Variants in PTPRA observed in about 807,000 individuals in gnomAD.
PTPRA encodes the protein receptor-type tyrosine-protein phosphatase alpha.
A neutral mutation model predicts 104.8 loss-of-function variants in PTPRA; 25 were observed. That is an observed-to-expected ratio of 0.24 (90% CI 0.17 to 0.33). The LOEUF is 0.33. Ranked by LOEUF, PTPRA falls within the 10% of genes least tolerant of loss-of-function variation. The pLI, the probability that PTPRA is intolerant of heterozygous loss-of-function variation, is 1.00. For missense variants in PTPRA, 765 were observed against 1,015.3 expected, an observed-to-expected ratio of 0.75 and a Z score of 3.35; for synonymous variants, 323 against 368.9, an observed-to-expected ratio of 0.88 and a Z score of 1.43.
At chr20:3,003,310 ATTGTTCCTCTACTGCTGAATACTACGG>A (rs1279534713) in intron 9 of PTPRA, among the ~76,000 whole-genome samples, 1 of 152,178 alleles carries the variant, frequency 6.6e-6, no homozygotes. Context: ...TAATGCATGA[ATTGTTCCTCTACTGCTGAATACTACGG>A]TTGTTCTCAG....
the PTPRA span, chr20:2,866,620 C>T: frequency 4.1e-5 from 66 of 1,606,392 alleles, 1 homozygote; most frequent in South Asian, 5.2e-4. Context: ...TCCCCTAGCA[C>T]CTGGGCTTGG....
chr20:2,953,341 G>GC (rs1368309095), intron 3 of PTPRA, among the ~76,000 whole-genome samples: 1 of 151,798 alleles, frequency 6.6e-6, no homozygotes, highest in Non-Finnish European at 1.5e-5. Flanking sequence ...TGCAACCTCT[G>GC]CCCCCCGGGT....
chr20:2,911,477 A>G (rs2059720323), intron 1 of PTPRA, among the ~76,000 whole-genome samples: 1 of 152,206 alleles, frequency 6.6e-6, no homozygotes, highest in African/African-American at 2.4e-5. Context: ...CTTCTCTGCT[A>G]GTCTATGTTG....
intron 2 of PTPRA, among the ~76,000 whole-genome samples, chr20:2,946,271 T>C (rs977296077): frequency 6.6e-6 from 1 of 152,096 alleles, no homozygotes; most frequent in Non-Finnish European, 1.5e-5. Flanking sequence ...ATTAATGAGC[T>C]TTCCCCCCAA....
rs1398439603 is a variant in PTPRA, at chr20:2,964,417, T to C, written c.73+67T>C. 3.1e-6 allele frequency: 4 copies of C among 1,288,260 alleles called. No homozygotes were observed. The African/African-American group carries it at 6.0e-5, about 19-fold the overall frequency. 79.8% of individuals were successfully genotyped at this position (1,288,260 alleles called of 1,614,324 possible). ...TTGCTTTCACATTTAATGAGCCACA[T>C]TTGAAAACCGAGATGGTATTTGAAG... On this transcript the variant is annotated intron_variant, in intron 4 of 23. Transcript: ENST00000399903.
chr20:2,957,952 T>A (rs2061598220), intron 3 of PTPRA, among the ~76,000 whole-genome samples: 1 of 152,084 alleles, frequency 6.6e-6, no homozygotes, highest in Admixed American at 6.6e-5. Context: ...TATTTGATTT[T>A]TTTTTTTTTT....
intron 1 of PTPRA, among the ~76,000 whole-genome samples, chr20:2,901,959 C>T (rs765685241): frequency 2.5e-3 from 382 of 151,876 alleles, no homozygotes; most frequent in Non-Finnish European, 4.1e-3. Context: ...AGTCTTAGCT[C>T]ACTGCAACCT....
At position 3,014,454 on chromosome 20, in the gene PTPRA, A is replaced by G. The variant is rs551159633; in HGVS notation, c.907-1395A>G. ...GGAATTCGAGAGCAGCGTGGCCAAC[A>G]TGGTGAAACCCCATCTCTAATTTTT... On this transcript the variant is annotated intron_variant, in intron 11 of 23. Coordinates refer to ENST00000399903, the MANE Select transcript of PTPRA (RefSeq NM_001385305.1). Among the ~76,000 whole-genome samples, 143 of 152,262 alleles carry G rather than the reference A, an allele frequency of 9.4e-4. 1 individual carries two copies. Among genetic ancestry groups the G allele is most frequent in the African/African-American group, 2.5e-3 (104 of 41,558 alleles).
chr20:2,896,405 AAC>A (rs1358749950), intron 1 of PTPRA, among the ~76,000 whole-genome samples: 6 of 152,062 alleles, frequency 3.9e-5, no homozygotes, highest in Non-Finnish European at 5.9e-5. Context: ...AACAAACGAA[AAC>A]ACACACACGC....
chr20:2,928,567 A>G (rs2147467796), intron 2 of PTPRA, among the ~76,000 whole-genome samples: 2 of 152,260 alleles, frequency 1.3e-5, no homozygotes, highest in Middle Eastern at 6.8e-3. Flanking sequence ...CATATAGGAA[A>G]TTAATTTTTC....
chr20:2,945,582 GGTGT>G lies in PTPRA; in HGVS notation c.-49-2373_-49-2370del, dbSNP rs3842441. On this transcript the variant is annotated intron_variant, in intron 2 of 23. Transcript: ENST00000399903. Reference sequence around the variant, plus strand: ...GCACGGAGCTTGATTATAATTGGCAGGTGTGTGTGTGTGTGTGTGTGTGTGTGTG... The same window carrying G: ...GCACGGAGCTTGATTATAATTGGCAGGTGTGTGTGTGTGTGTGTGTGTGTG... Among the ~76,000 whole-genome samples the G allele has an allele frequency of 6.5e-3, 970 of 148,246 alleles. 6 individuals are homozygous for G. The highest frequency in any genetic ancestry group is 0.031 in the South Asian group (146 of 4,694).
At position 3,007,315 on chromosome 20, in the gene PTPRA, TA is replaced by T. The variant is rs767575070; in HGVS notation, c.830-28del. 6 of 1,600,388 alleles carry T rather than the reference TA, an allele frequency of 3.7e-6. No homozygotes were observed. The South Asian group carries it at 6.6e-5, about 18-fold the overall frequency. On this transcript the variant is annotated intron_variant, in intron 10 of 23. Transcript: ENST00000399903. The stretch of plus-strand genomic sequence containing the variant: ...TTCTGTGAGAAATAAATTTTGATTT[TA>T]CTGAAATATTGTTGGTTTGTTTCCT...
chr20:2,893,811 G>A (rs1037770923), intron 1 of PTPRA, among the ~76,000 whole-genome samples: 3 of 152,028 alleles, frequency 2.0e-5, no homozygotes, highest in Non-Finnish European at 4.4e-5. Flanking sequence ...TGAAGATTAC[G>A]TGTGTCTATT....
chr20:2,886,856 CAA>C (rs1275472144), intron 1 of PTPRA, among the ~76,000 whole-genome samples: 2 of 77,962 alleles, frequency 2.6e-5, no homozygotes, highest in African/African-American at 5.0e-5. Context: ...AACTCTGTCT[CAA>C]AAAAAAAAAA....
intron 5 of PTPRA, among the ~76,000 whole-genome samples, chr20:2,972,463 A>G (rs2062230091): frequency 6.6e-6 from 1 of 152,198 alleles, no homozygotes; most frequent in Non-Finnish European, 1.5e-5. Context: ...TTAGCCTTCC[A>G]AAGCACTGGG....
At chr20:2,995,671 G>T (rs139678897) in intron 9 of PTPRA, among the ~76,000 whole-genome samples, 74 of 152,202 alleles carry the variant, frequency 4.9e-4, no homozygotes, top group African/African-American at 1.8e-3. Flanking sequence ...GAATTCTGTG[G>T]CATTAAAATT....
At chr20:3,032,679 T>C (rs1347050082) in intron 20 of PTPRA, among the ~76,000 whole-genome samples, 1 of 151,024 alleles carries the variant, frequency 6.6e-6, no homozygotes, top group Admixed American at 6.6e-5. Flanking sequence ...GGCAGGAGAA[T>C]CGTTTGAACC....
chr20:2,997,384 A>C (rs748791448), intron 9 of PTPRA, among the ~76,000 whole-genome samples: 1 of 152,220 alleles, frequency 6.6e-6, no homozygotes, highest in Admixed American at 6.5e-5. Context: ...AAATAAATCT[A>C]ATGGACTTAG....
chr20:2,910,578 G>GTTT lies in PTPRA; in HGVS notation c.-128-12621_-128-12619dup, dbSNP rs1245304127. On this transcript the variant is annotated intron_variant, in intron 1 of 23. Coordinates refer to ENST00000399903, the MANE Select transcript of PTPRA (RefSeq NM_001385305.1). ...AGGTGTGTGCTATCATGCCCAGCTA[G>GTTT]TTTTTTTTTTGTTTTTTTTTTGTTT... is the stretch of plus-strand genomic sequence containing the variant. 2.2e-3 allele frequency among the ~76,000 whole-genome samples: 70 copies of GTTT among 32,382 alleles called. 3 individuals are homozygous for GTTT. The highest frequency in any genetic ancestry group is 8.9e-3 in the East Asian group (5 of 560). The allele number at this position is 32,382 out of a possible 152,430, so 21.2% of individuals were successfully genotyped here. A position where few individuals can be genotyped will look rare whatever the true frequency, so the allele number is the denominator to read the frequency against.
Sources: allele counts gnomAD v4.1 joint callset (sites outside exome capture counted in the v4.1 genomes callset), GRCh38; gene constraint gnomAD v4.1.1; transcripts MANE v1.5; gene names NCBI Gene and HGNC (gene_info 2026-07-23, HGNC 2026-07-21).